ARHGEF10L: variants seen among roughly 807,000 people sequenced by gnomAD.
ARHGEF10L encodes Rho guanine nucleotide exchange factor 10 like.
ARHGEF10L carries 69 observed loss-of-function variants against 141.2 expected under a neutral mutation model. The observed-to-expected ratio is 0.49, with a 90% CI of 0.40 to 0.60. The LOEUF (loss-of-function observed/expected upper bound fraction) is 0.60, where lower values mean the gene tolerates loss of function less well. Ranked by LOEUF, ARHGEF10L falls within the 20% of genes least tolerant of loss-of-function variation. The pLI, the probability that ARHGEF10L is intolerant of heterozygous loss-of-function variation, is 0.00. For missense variants in ARHGEF10L, 1,482 were observed against 1,734.3 expected, an observed-to-expected ratio of 0.85 and a Z score of 2.58; for synonymous variants, 711 against 718.5, an observed-to-expected ratio of 0.99 and a Z score of 0.17.
chr1:17,539,368 G>A (rs886735794), upstream of ARHGEF10L, among the ~76,000 whole-genome samples: 1 of 152,202 alleles, frequency 6.6e-6, no homozygotes, highest in African/African-American at 2.4e-5. The surrounding 1 kb of genome is among the most constrained non-coding windows in gnomAD (Gnocchi z 6.0). Flanking sequence ...CCAGCACCCT[G>A]CGCGCCTGCG....
At chr1:17,634,317 T>C (rs2354289) in intron 16 of ARHGEF10L, 691,032 of 691,646 alleles carry the variant, frequency 1, 345,211 homozygotes, top group East Asian at 1. Context: ...TCAGTGTCCT[T>C]GTCTGGGATC....
chr1:17,648,393 C>G (rs1175832074), intron 21 of ARHGEF10L, among the ~76,000 whole-genome samples, 161 bp from the exon 22 acceptor site: 1 of 152,156 alleles, frequency 6.6e-6, no homozygotes, highest in East Asian at 1.9e-4. Flanking sequence ...ACTCCTGAGG[C>G]TGGATTTCAT....
intron 1 of ARHGEF10L, among the ~76,000 whole-genome samples, chr1:17,574,690 C>T (rs1194503006): frequency 2.6e-5 from 4 of 152,208 alleles, no homozygotes; most frequent in Non-Finnish European, 5.9e-5. Context: ...CCTGCTATAG[C>T]TCTGCCTGTG....
At chr1:17,595,238 TTTTTTTTA>T (rs1256464041) in intron 4 of ARHGEF10L, among the ~76,000 whole-genome samples, 1 of 149,538 alleles carries the variant, frequency 6.7e-6, no homozygotes, top group African/African-American at 2.5e-5. Context: ...TTTTTTTTTT[TTTTTTTTA>T]AAGCTAATTA....
At chr1:17,612,260 T>C (rs2059585751) in intron 7 of ARHGEF10L, among the ~76,000 whole-genome samples, 1 of 152,092 alleles carries the variant, frequency 6.6e-6, no homozygotes, top group South Asian at 2.1e-4. Flanking sequence ...AGCAGGGCCC[T>C]TTTTCCTGCA....
chr1:17,646,930 C>G (rs2101912221), intron 21 of ARHGEF10L, among the ~76,000 whole-genome samples: 1 of 152,038 alleles, frequency 6.6e-6, no homozygotes, highest in South Asian at 2.1e-4. Context: ...TGGGACTCCA[C>G]TGATGTTTCC....
At chr1:17,642,468 T>C (rs1203524782) in intron 21 of ARHGEF10L, among the ~76,000 whole-genome samples, 2 of 152,290 alleles carry the variant, frequency 1.3e-5, no homozygotes, top group East Asian at 1.9e-4. Context: ...CTGTGCATTA[T>C]AGCATTGAGA....
intron 18 of ARHGEF10L, among the ~76,000 whole-genome samples, chr1:17,635,218 G>A (rs1019844697): frequency 6.6e-6 from 1 of 152,174 alleles, no homozygotes; most frequent in African/African-American, 2.4e-5. Context: ...GTGTGCGCAG[G>A]TGCATCTCCC....
At chr1:17,596,400 A>T (rs1171334676) in intron 4 of ARHGEF10L, among the ~76,000 whole-genome samples, 5 of 151,796 alleles carry the variant, frequency 3.3e-5, no homozygotes, top group African/African-American at 1.2e-4. Flanking sequence ...TCCTACGCAA[A>T]CTCTCCTGTC....
chr1:17,642,577 A>G (rs1221781213), intron 21 of ARHGEF10L, among the ~76,000 whole-genome samples: 2 of 152,078 alleles, frequency 1.3e-5, no homozygotes, highest in Admixed American at 6.5e-5. Flanking sequence ...GGGAGCAGGA[A>G]TGGGGAGGGG....
intron 1 of ARHGEF10L, among the ~76,000 whole-genome samples, chr1:17,563,095 A>G (rs1320573083): frequency 1.3e-5 from 2 of 152,082 alleles, no homozygotes; most frequent in African/African-American, 4.8e-5. Flanking sequence ...GGGACGATGA[A>G]TCTTCTGCCA....
At chr1:17,533,296 T>C in the ARHGEF10L span, among the ~76,000 whole-genome samples, 1 of 152,196 alleles carries the variant, frequency 6.6e-6, no homozygotes, top group Admixed American at 6.5e-5. Flanking sequence ...AAACAGAACC[T>C]GGTGTTTAGA....
In ARHGEF10L at chr1:17,625,278, G is replaced by A. The variant is rs2060320441; in HGVS notation, c.1318-678G>A. 6.6e-6 allele frequency among the ~76,000 whole-genome samples: 1 copy of A among 152,226 alleles called. No individual in the cohort carries two copies. Among genetic ancestry groups the A allele is most frequent in the Non-Finnish European group, 1.5e-5 (1 of 68,036 alleles). ...CAAAGGTTAGAGGCAGGAGGAGAGG[G>A]ATGGGCAGGTCTGTTTGGATTCTGG... On this transcript the variant is annotated intron_variant, in intron 13 of 28. Coordinates refer to ENST00000361221, the MANE Select transcript of ARHGEF10L (RefSeq NM_018125.4). This position sits in a 1 kb window ranked among gnomAD's most constrained non-coding sequence, Gnocchi z 4.5.
intron 22 of ARHGEF10L, among the ~76,000 whole-genome samples, chr1:17,652,411 C>T (rs1292033283): frequency 6.6e-6 from 1 of 152,164 alleles, no homozygotes; most frequent in African/African-American, 2.4e-5. Flanking sequence ...AATGCTGCCT[C>T]AGCTCATGGT....
intron 6 of ARHGEF10L, among the ~76,000 whole-genome samples, chr1:17,606,656 T>C (rs2081207689): frequency 6.6e-6 from 1 of 152,092 alleles, no homozygotes; most frequent in African/African-American, 2.4e-5. Flanking sequence ...CAATGCTATA[T>C]TTCTTCTGTG....
intron 1 of ARHGEF10L, among the ~76,000 whole-genome samples, chr1:17,572,361 C>T (rs531951806): frequency 6.6e-6 from 1 of 152,290 alleles, no homozygotes; most frequent in Admixed American, 6.5e-5. Context: ...TTAGCTCCCA[C>T]CTGTGACCGA....
rs937426405 is a variant in ARHGEF10L, at chr1:17,616,278, C to T, written c.835+76C>T. The T allele has an allele frequency of 2.2e-4, 279 of 1,286,740 alleles. No individual in the cohort carries two copies. The Middle Eastern group carries it at 2.8e-3, about 13-fold the overall frequency. The allele number at this position is 1,286,740 out of a possible 1,614,324, so 79.7% of individuals were successfully genotyped here. ...TCGGGGAGGGTGGGATTTTGCTTTACACCCCAGAGGTCATGCTGGGTGGGT... is the reference window on the plus strand; with the variant it reads ...TCGGGGAGGGTGGGATTTTGCTTTATACCCCAGAGGTCATGCTGGGTGGGT... On this transcript the variant is annotated intron_variant, in intron 9 of 28. Coordinates refer to ENST00000361221, the MANE Select transcript of ARHGEF10L (RefSeq NM_018125.4).
chr1:17,639,936 G>A lies in ARHGEF10L; in HGVS notation c.2172-266G>A. On this transcript the variant is annotated intron_variant, in intron 20 of 28. Coordinates refer to ENST00000361221, the MANE Select transcript of ARHGEF10L (RefSeq NM_018125.4). This position sits in a 1 kb window ranked among gnomAD's most constrained non-coding sequence, Gnocchi z 4.3. ...GGCTCTGCCGGGCACAAAGCCAGAGGCTCCTGGAGCCAGGCTGGGGAGCGT... is the reference window on the plus strand; with the variant it reads ...GGCTCTGCCGGGCACAAAGCCAGAGACTCCTGGAGCCAGGCTGGGGAGCGT... 1 of 1,476,694 alleles carries A rather than the reference G, an allele frequency of 6.8e-7. No homozygotes were observed. Among genetic ancestry groups the A allele is most frequent in the South Asian group, 1.2e-5 (1 of 82,576 alleles). 91.5% of individuals were successfully genotyped at this position (1,476,694 alleles called of 1,614,324 possible). A position where few individuals can be genotyped will look rare whatever the true frequency, so the allele number is the denominator to read the frequency against.
Position 17,566,173 on chromosome 1 carries a change from A to G in ARHGEF10L, c.-43-14380A>G, listed in dbSNP as rs549908287. ...AATGCCCTCTGATCCGGGTTTCCCA[A>G]CCTCGATCCATTGACATTTGGGCTG... On this transcript the variant is annotated intron_variant, in intron 1 of 28. Transcript: ENST00000361221. Among the ~76,000 whole-genome samples, 8 of 152,236 alleles carry G rather than the reference A, an allele frequency of 5.3e-5. No individual in the cohort carries two copies. The South Asian group carries it at 1.5e-3, about 28-fold the overall frequency.
Sources: allele counts gnomAD v4.1 joint callset (sites outside exome capture counted in the v4.1 genomes callset), GRCh38; gene constraint gnomAD v4.1.1; non-coding constraint Gnocchi (gnomAD v3.1); transcripts MANE v1.5; gene names NCBI Gene and HGNC (gene_info 2026-07-23, HGNC 2026-07-21).